The following NEDD4L variants were observed in gnomAD, a reference collection of about 807,000 sequenced individuals.
NEDD4L encodes the protein E3 ubiquitin-protein ligase NEDD4-like.
NEDD4L carries 54 observed loss-of-function variants against 148.9 expected under a neutral mutation model. The ratio of observed to expected loss-of-function variants is 0.36; its 90% confidence interval spans 0.29 to 0.45. The LOEUF (loss-of-function observed/expected upper bound fraction) is 0.45. Ranked by LOEUF, NEDD4L falls within the 20% of genes least tolerant of loss-of-function variation. The pLI, the probability that NEDD4L is intolerant of heterozygous loss-of-function variation, is 1.00. For missense variants in NEDD4L, 856 were observed against 1,233.8 expected, an observed-to-expected ratio of 0.69 and a Z score of 4.59; for synonymous variants, 433 against 440.7, an observed-to-expected ratio of 0.98 and a Z score of 0.22.
chr18:58,248,135 C>T (rs2047499089), intron 3 of NEDD4L, among the ~76,000 whole-genome samples: 1 of 152,172 alleles, frequency 6.6e-6, no homozygotes, highest in Non-Finnish European at 1.5e-5. Context: ...CTTTAAGAGG[C>T]TTATGCATGT....
At position 58,400,812 on chromosome 18, in the gene NEDD4L, T is replaced by C. The variant is rs2050800460; in HGVS notation, c.*4543T>C. Reference sequence around the variant, plus strand: ...GTGTAAGCCAGTTTTCCCCTTTTACTCAGACTGATTTCACCTAGATTGTCA... The same window carrying C: ...GTGTAAGCCAGTTTTCCCCTTTTACCCAGACTGATTTCACCTAGATTGTCA... On this transcript the variant is annotated 3_prime_UTR_variant, in exon 31 of 31. Transcript: ENST00000400345. 2.0e-5 allele frequency: 3 copies of C among 152,222 alleles called. No homozygotes were observed. Among genetic ancestry groups the C allele is most frequent in the African/African-American group, 7.2e-5 (3 of 41,456 alleles). The allele number at this position is 152,222 out of a possible 1,614,324, so 9.4% of individuals were successfully genotyped here. A position where few individuals can be genotyped will look rare whatever the true frequency, so the allele number is the denominator to read the frequency against.
At chr18:58,090,175 G>A (rs1568201283) in intron 1 of NEDD4L, among the ~76,000 whole-genome samples, 1 of 152,148 alleles carries the variant, frequency 6.6e-6, no homozygotes, top group Non-Finnish European at 1.5e-5. Flanking sequence ...TTTATCTGTG[G>A]TTCTTAGTTA....
intron 15 of NEDD4L, 145 bp downstream of exon 15, chr18:58,341,942 C>A: frequency 2.3e-6 from 2 of 868,974 alleles, no homozygotes; most frequent in Non-Finnish European, 3.6e-6. Flanking sequence ...TCTTGTGCAG[C>A]CTTTCTACCT....
At chr18:58,052,647 CTTTT>C (rs71173025) in intron 1 of NEDD4L, among the ~76,000 whole-genome samples, 4 of 147,200 alleles carry the variant, frequency 2.7e-5, no homozygotes, top group Admixed American at 6.8e-5. Context: ...GTGAGTTTTT[CTTTT>C]TTTTTTTTTT....
chr18:58,371,027 G>A (rs771477748), intron 23 of NEDD4L, among the ~76,000 whole-genome samples: 1 of 151,842 alleles, frequency 6.6e-6, no homozygotes, highest in Non-Finnish European at 1.5e-5. Context: ...AGAGTTGGAA[G>A]GATTTTATTT....
chr18:58,047,013 C>T (rs1435810456), intron 1 of NEDD4L: 1 of 152,898 alleles, frequency 6.5e-6, no homozygotes, highest in African/African-American at 2.4e-5. Context: ...GGAATGCCTT[C>T]GTAGAATATT....
chr18:58,199,029 T>C (rs2041083883), intron 2 of NEDD4L, among the ~76,000 whole-genome samples: 1 of 152,206 alleles, frequency 6.6e-6, no homozygotes, highest in South Asian at 2.1e-4. Context: ...TGACCTCAGG[T>C]GATCCGCCTG....
intron 1 of NEDD4L, among the ~76,000 whole-genome samples, chr18:58,134,354 A>ATT (rs2032562525): frequency 5.9e-5 from 1 of 16,950 alleles, no homozygotes; most frequent in African/African-American, 4.8e-4. Flanking sequence ...AAGCAATTCC[A>ATT]TTTCTTTTTT....
intron 13 of NEDD4L, among the ~76,000 whole-genome samples, chr18:58,340,012 A>T (rs182595271): frequency 2.2e-4 from 33 of 152,326 alleles, no homozygotes; most frequent in African/African-American, 7.7e-4. Flanking sequence ...GTTATTCCTA[A>T]GGCATGGGCT....
chr18:58,256,222 C>A lies in NEDD4L; in HGVS notation c.297+4168C>A. 8.2e-7 allele frequency: 1 copy of A among 1,224,974 alleles called. No individual in the cohort carries two copies. The highest frequency in any genetic ancestry group is 4.1e-5 in the South Asian group (1 of 24,288). The allele number at this position is 1,224,974 out of a possible 1,614,324, so 75.9% of individuals were successfully genotyped here. On this transcript the variant is annotated intron_variant, in intron 5 of 30. Transcript: ENST00000400345. This position sits in a 1 kb window ranked among gnomAD's most constrained non-coding sequence, Gnocchi z 5.2. ...CTGCCCCGGGCCTGCGCATCCAGCA[C>A]CGCGCCTCCAGCGCCGACGTGCGCC... is the stretch of plus-strand genomic sequence containing the variant.
intron 2 of NEDD4L, among the ~76,000 whole-genome samples, chr18:58,213,672 C>T (rs747050689): frequency 7.2e-5 from 11 of 152,008 alleles, no homozygotes; most frequent in Non-Finnish European, 1.6e-4. Context: ...CATTTTTTTC[C>T]TATGAAGGAA....
At chr18:58,199,884 A>G (rs1379493853) in intron 2 of NEDD4L, among the ~76,000 whole-genome samples, 1 of 152,228 alleles carries the variant, frequency 6.6e-6, no homozygotes, top group African/African-American at 2.4e-5. Context: ...TAATAAATCA[A>G]CCTTGATGCA....
At chr18:58,177,635 T>C (rs1265404869) in intron 2 of NEDD4L, among the ~76,000 whole-genome samples, 2 of 152,210 alleles carry the variant, frequency 1.3e-5, no homozygotes, top group African/African-American at 2.4e-5. Flanking sequence ...CCTATGCATC[T>C]GTGTTATTGA....
intron 1 of NEDD4L, among the ~76,000 whole-genome samples, chr18:58,163,135 A>C (rs1171109711): frequency 6.6e-6 from 1 of 152,086 alleles, no homozygotes; most frequent in Non-Finnish European, 1.5e-5. Context: ...AGCTTTCCAC[A>C]GGCTTGATCG....
rs535362380 is a variant in NEDD4L, at chr18:58,347,222, C to G, written c.1576-2315C>G. On this transcript the variant is annotated intron_variant, in intron 16 of 30. Coordinates refer to ENST00000400345, the MANE Select transcript of NEDD4L (RefSeq NM_001144967.3). The stretch of plus-strand genomic sequence containing the variant: ...ACGCTACGGCCCCCCCCGCCCCCCC[C>G]CCCCCTTTAAATCACCAGCCTTTTA... 8.3e-3 allele frequency among the ~76,000 whole-genome samples: 907 copies of G among 109,814 alleles called. 82 individuals carry two copies. Among genetic ancestry groups the G allele is most frequent in the East Asian group, 0.065 (198 of 3,062 alleles). The allele number at this position is 109,814 out of a possible 152,430, so 72.0% of individuals were successfully genotyped here. A position where few individuals can be genotyped will look rare whatever the true frequency, so the allele number is the denominator to read the frequency against.
intron 2 of NEDD4L, among the ~76,000 whole-genome samples, chr18:58,180,011 C>T (rs1436244746): frequency 6.6e-6 from 1 of 152,200 alleles, no homozygotes; most frequent in Non-Finnish European, 1.5e-5. Context: ...GAGGACTCCT[C>T]AAGCAGCGTC....
At chr18:58,111,988 T>A (rs1253848637) in intron 1 of NEDD4L, among the ~76,000 whole-genome samples, 4 of 152,230 alleles carry the variant, frequency 2.6e-5, no homozygotes, top group African/African-American at 9.6e-5. Flanking sequence ...TGGGTGTCCC[T>A]GTTGTTTTAT....
At chr18:58,355,839 TAAA>T (rs1381530897) in intron 18 of NEDD4L, among the ~76,000 whole-genome samples, 2 of 151,868 alleles carry the variant, frequency 1.3e-5, no homozygotes, top group Non-Finnish European at 2.9e-5. Context: ...CTGCTTCTAT[TAAA>T]ATAATAATAA....
chr18:58,272,991 A>G (rs1600529362), intron 5 of NEDD4L, among the ~76,000 whole-genome samples: 1 of 152,102 alleles, frequency 6.6e-6, no homozygotes, highest in Non-Finnish European at 1.5e-5. Context: ...AGGTAAGGAA[A>G]CCCCCAACTC....
Sources: allele counts gnomAD v4.1 joint callset (sites outside exome capture counted in the v4.1 genomes callset), GRCh38; gene constraint gnomAD v4.1.1; non-coding constraint Gnocchi (gnomAD v3.1); transcripts MANE v1.5; gene names NCBI Gene and HGNC (gene_info 2026-07-23, HGNC 2026-07-21).